The following DPH6 variants were observed in gnomAD, a reference collection of about 807,000 sequenced individuals.
DPH6 encodes the protein diphthine--ammonia ligase.
Under a neutral mutation model 38.2 loss-of-function variants are expected in DPH6, and 33 were observed. The ratio of observed to expected loss-of-function variants is 0.86; its 90% confidence interval spans 0.65 to 1.15. The LOEUF (loss-of-function observed/expected upper bound fraction) is 1.15. Among genes scored for constraint, DPH6 ranks in the 50% most tolerant of loss-of-function variants. The pLI, the probability that DPH6 is intolerant of heterozygous loss-of-function variation, is 0.00. For synonymous variants in DPH6, 108 were observed against 103.0 expected, an observed-to-expected ratio of 1.05 and a Z score of -0.30; for missense variants, 325 against 320.0, an observed-to-expected ratio of 1.02 and a Z score of -0.12.
At chr15:35,538,564 A>G in intron 2 of DPH6, 97 bp from the exon 3 acceptor site, 1 of 1,045,350 alleles carries the variant, frequency 9.6e-7, no homozygotes, top group Non-Finnish European at 1.3e-6. Context: ...TAGTCGACAC[A>G]GAACTTGAAA....
chr15:35,396,874 T>C (rs1382006183), intron 6 of DPH6, among the ~76,000 whole-genome samples: 1 of 152,214 alleles, frequency 6.6e-6, no homozygotes, highest in Non-Finnish European at 1.5e-5. Context: ...AAATTCTGTC[T>C]TTCTCACCCA....
At chr15:35,174,098 G>C in the DPH6 span, among the ~76,000 whole-genome samples, 1 of 152,208 alleles carries the variant, frequency 6.6e-6, no homozygotes, top group African/African-American at 2.4e-5. Flanking sequence ...CCTAGATAAA[G>C]GCAGTTACTC....
At chr15:35,236,195 T>C (rs2051549658) in intron 3 of DPH6, among the ~76,000 whole-genome samples, 1 of 152,162 alleles carries the variant, frequency 6.6e-6, no homozygotes, top group African/African-American at 2.4e-5. Context: ...GATATCTAGG[T>C]CCATATAAGT....
chr15:35,294,623 A>G (rs1414113386), intron 3 of DPH6, among the ~76,000 whole-genome samples: 4 of 152,132 alleles, frequency 2.6e-5, no homozygotes, highest in East Asian at 1.9e-4. Flanking sequence ...CTTTGTGTGC[A>G]CCTACTACAC....
At chr15:35,340,341 T>G (rs534481547) in intron 3 of DPH6, among the ~76,000 whole-genome samples, 1 of 152,338 alleles carries the variant, frequency 6.6e-6, no homozygotes, top group Admixed American at 6.5e-5. Context: ...AACTTGCCAT[T>G]CTGTGTCTTT....
At chr15:35,189,834 C>T in the DPH6 span, among the ~76,000 whole-genome samples, 1 of 152,058 alleles carries the variant, frequency 6.6e-6, no homozygotes, top group African/African-American at 2.4e-5. Flanking sequence ...GGGCTGCAGG[C>T]AATTTTAGAG....
intron 5 of DPH6, among the ~76,000 whole-genome samples, chr15:35,433,175 T>C (rs2053653480): frequency 6.6e-6 from 1 of 152,190 alleles, no homozygotes; most frequent in Admixed American, 6.5e-5. Context: ...ATATAACTAA[T>C]AGTATTTAAC....
the DPH6 span, among the ~76,000 whole-genome samples, chr15:35,158,139 T>C: frequency 6.6e-6 from 1 of 152,104 alleles, no homozygotes; most frequent in Non-Finnish European, 1.5e-5. Context: ...CTTCCACGTT[T>C]CTGTAGTGGC....
chr15:35,177,875 G>C, the DPH6 span, among the ~76,000 whole-genome samples: 1 of 152,074 alleles, frequency 6.6e-6, no homozygotes, highest in African/African-American at 2.4e-5. Context: ...CTGGGAGGCA[G>C]AGGTTGTGGT....
chr15:35,292,029 A>C (rs1316401703), intron 3 of DPH6, among the ~76,000 whole-genome samples: 1 of 152,018 alleles, frequency 6.6e-6, no homozygotes, highest in Non-Finnish European at 1.5e-5. Flanking sequence ...TCCTCATATA[A>C]ATGCTTTTTC....
At chr15:35,522,098 C>T (rs754329808) in intron 3 of DPH6, 3 of 1,612,528 alleles carry the variant, frequency 1.9e-6, no homozygotes, top group East Asian at 4.5e-5. Context: ...GAAACTCATA[C>T]TTCACATTTT....
intron 3 of DPH6, among the ~76,000 whole-genome samples, chr15:35,301,840 G>A (rs945024190): frequency 1.3e-5 from 2 of 152,076 alleles, no homozygotes; most frequent in African/African-American, 4.8e-5. Context: ...TGGGTGTGGT[G>A]GCATGTGCCT....
intron 5 of DPH6, among the ~76,000 whole-genome samples, chr15:35,444,315 C>T (rs1004249156): frequency 9.9e-5 from 15 of 152,142 alleles, no homozygotes; most frequent in Non-Finnish European, 1.8e-4. Flanking sequence ...AATGTCATTC[C>T]TTTATCCTTC....
At chr15:35,302,883 G>A (rs2052063667) in intron 3 of DPH6, among the ~76,000 whole-genome samples, 1 of 151,736 alleles carries the variant, frequency 6.6e-6, no homozygotes, top group Non-Finnish European at 1.5e-5. Context: ...TCAGTTTGCA[G>A]ATTTGTGTGG....
chr15:35,199,706 GA>G, the DPH6 span, among the ~76,000 whole-genome samples: 2,332 of 140,894 alleles, frequency 0.017, 47 homozygotes, highest in African/African-American at 0.053. Context: ...GCTTATGTCA[GA>G]AAAAAAAAAA....
chr15:35,346,964 TA>T (rs1350832455), intron 3 of DPH6, among the ~76,000 whole-genome samples: 10 of 152,100 alleles, frequency 6.6e-5, no homozygotes, highest in South Asian at 2.1e-4. Flanking sequence ...ATTTACCCTT[TA>T]AAAAAATTTT....
intron 6 of DPH6, among the ~76,000 whole-genome samples, chr15:35,391,270 G>T (rs1454056947): frequency 6.6e-6 from 1 of 152,202 alleles, no homozygotes; most frequent in African/African-American, 2.4e-5. Context: ...GTGCCTCCCA[G>T]TTAGGCTACT....
chr15:35,538,383 G>A lies in DPH6; in HGVS notation c.203C>T (p.Pro68Leu). The A allele has an allele frequency of 6.2e-7, 1 of 1,611,090 alleles. No homozygotes were observed. The highest frequency in any genetic ancestry group is 8.5e-7 in the Non-Finnish European group (1 of 1,177,836). ...TCCTCTTATGGTTCGGCGATAGAGG[G>A]GAAGAGCCATTGCTTCTGCATACAA... ...IDLYAEAMAL[P>L]LYRRTIRGRS... is the part of the protein sequence containing the mutation. Residue 68 changes from proline (P) to leucine (L), a missense_variant, in exon 3 of 9, where the codon CCC (proline) becomes CTC (leucine). Pro to Leu is a moderately conservative substitution (Grantham distance 98). Transcript: ENST00000256538.
intron 3 of DPH6, among the ~76,000 whole-genome samples, chr15:35,259,727 C>G (rs191360060): frequency 1.6e-4 from 24 of 152,352 alleles, no homozygotes; most frequent in Non-Finnish European, 2.9e-5. Context: ...CCTAAAAGAA[C>G]TGCATGCTTG....
Sources: gnomAD v4.1 joint callset for allele counts (sites outside exome capture counted in the v4.1 genomes callset) on GRCh38, gnomAD v4.1.1 for gene constraint, MANE v1.5 for transcripts, NCBI Gene and HGNC (gene_info 2026-07-23, HGNC 2026-07-21) for gene names.